MTR: variants seen among roughly 807,000 people sequenced by gnomAD.
MTR encodes the protein methionine synthase.
In MTR, 84 loss-of-function variants were observed where a neutral mutation model predicts 154.8. The observed-to-expected ratio is 0.54, with a 90% CI of 0.45 to 0.65. The LOEUF (loss-of-function observed/expected upper bound fraction) is 0.65. MTR is among the 30% of genes least tolerant of loss of function. The probability of loss-of-function intolerance (pLI) is 0.00; values close to 1 mark genes in which losing one functional copy is unlikely to be tolerated. For synonymous variants in MTR, 554 were observed against 553.9 expected (o/e 1.00, Z 0.00); for missense variants, 1,275 against 1,570.2 (o/e 0.81, Z 3.18).
Position 236,835,537 on chromosome 1 carries a change from C to G in MTR, c.1189-10C>G, listed in dbSNP as rs1481693966. On this transcript the variant is annotated splice_polypyrimidine_tract_variant and intron_variant, in intron 13 of 32. Coordinates refer to ENST00000366577, the MANE Select transcript of MTR (RefSeq NM_000254.3). The stretch of plus-strand genomic sequence containing the variant: ...TCCTAATGCTGCTTCCTCTCTCATT[C>G]TTCCTTCAGGAAGCCTTGTGTGTTG... The G allele has an allele frequency of 3.7e-6, 6 of 1,612,452 alleles. No individual in the cohort carries two copies. Among genetic ancestry groups the G allele is most frequent in the Non-Finnish European group, 5.1e-6 (6 of 1,179,750 alleles).
chr1:236,895,429 C>T lies in MTR; in HGVS notation c.3477C>T (p.Asp1159=), dbSNP rs117061132. 1.1e-3 allele frequency: 1,723 copies of T among 1,604,488 alleles called. 38 individuals are homozygous for T. The East Asian group carries it at 0.033, about 31-fold the overall frequency. The change falls in exon 31 of 33, where the codon GAC becomes GAT. Residue 1159 remains aspartate, a synonymous_variant. Transcript: ENST00000366577. ...LWAYCGSEQL[D]VADLRRLRYK... ...CCTACTGTGGCAGTGAGCAGCTGGACGTCGCAGACCTGCGCAGGCTGCGGT... is the reference window on the plus strand; with the variant it reads ...CCTACTGTGGCAGTGAGCAGCTGGATGTCGCAGACCTGCGCAGGCTGCGGT...
rs1664418343 is a variant in MTR, at chr1:236,859,865, G to T, written c.1986G>T (p.Gln662His). 6.2e-7 allele frequency: 1 copy of T among 1,614,018 alleles called. No homozygotes were observed. Among genetic ancestry groups the T allele is most frequent in the South Asian group, 1.1e-5 (1 of 91,076 alleles). The change falls in exon 19 of 33, where the codon CAG (glutamine) becomes CAT (histidine). Residue 662 changes from glutamine to histidine, a missense_variant. Transcript: ENST00000366577. ...TQGTGGKKVI[Q>H]TDEWRNGPVE... is the part of the protein sequence containing the mutation. ...GCACAGGAGGGAAGAAAGTCATTCAGACTGATGAGTGGAGAAATGGCCCTG... is the reference window on the plus strand; with the variant it reads ...GCACAGGAGGGAAGAAAGTCATTCATACTGATGAGTGGAGAAATGGCCCTG...
Position 236,900,063 on chromosome 1 carries a change from G to C in MTR, c.*2419G>C. On this transcript the variant is annotated 3_prime_UTR_variant, in exon 33 of 33. Transcript: ENST00000366577. ...ATGATCTTGCTTCCAACTCCCACCT[G>C]TATGTCCAGCAAACTCTTGCATGTG... The C allele has an allele frequency of 3.6e-6, 1 of 280,382 alleles. No individual in the cohort carries two copies. The highest frequency in any genetic ancestry group is 7.2e-6 in the Non-Finnish European group (1 of 138,248). 17.4% of individuals were successfully genotyped at this position (280,382 alleles called of 1,614,324 possible).
intron 3 of MTR, among the ~76,000 whole-genome samples, chr1:236,806,534 T>C (rs1660996199): frequency 6.6e-6 from 1 of 152,218 alleles, no homozygotes; most frequent in Non-Finnish European, 1.5e-5. Flanking sequence ...TGTGAGGCCT[T>C]TTTAAGTATT....
intron 12 of MTR, among the ~76,000 whole-genome samples, chr1:236,830,241 A>G (rs1226301214): frequency 1.3e-5 from 2 of 151,952 alleles, no homozygotes; most frequent in Non-Finnish European, 2.9e-5. Context: ...AGTGGGATTC[A>G]TGGTTTATGA....
chr1:236,894,749 A>G, intron 30 of MTR, 192 bp downstream of exon 30: 1 of 625,716 alleles, frequency 1.6e-6, no homozygotes, highest in Non-Finnish European at 2.7e-6. Flanking sequence ...TGTGTACATT[A>G]TCTTTGAGGC....
chr1:236,823,549 A>C (rs954022864), intron 8 of MTR, among the ~76,000 whole-genome samples: 2 of 152,294 alleles, frequency 1.3e-5, no homozygotes, highest in Admixed American at 1.3e-4. Flanking sequence ...GGAAAAAAGT[A>C]AAATGTGATA....
chr1:236,831,982 G>A lies in MTR; in HGVS notation c.1092G>A (p.Arg364=), dbSNP rs1326750147. The A allele has an allele frequency of 6.8e-6, 11 of 1,613,966 alleles. No individual in the cohort carries two copies. The highest frequency in any genetic ancestry group is 9.3e-6 in the Non-Finnish European group (11 of 1,179,960). The part of the protein sequence containing the change: ...HMLLSGLEPF[R]IGPYTNFVNI... ...CCTTTTAAGGTCTAGAGCCCTTCAG[G>A]ATTGGACCGTACACCAACTTTGTTA... The change falls in exon 13 of 33, where the codon AGG becomes AGA. Residue 364 remains arginine (R), a synonymous_variant. Coordinates refer to ENST00000366577, the MANE Select transcript of MTR (RefSeq NM_000254.3).
intron 12 of MTR, among the ~76,000 whole-genome samples, chr1:236,831,673 T>C (rs1307068948): frequency 6.6e-6 from 1 of 152,228 alleles, no homozygotes; most frequent in East Asian, 1.9e-4. Context: ...TTATTTTTCC[T>C]TTTTTCTCAG....
chr1:236,835,834 G>C, intron 14 of MTR, 147 bp downstream of exon 14: 2 of 1,123,388 alleles, frequency 1.8e-6, no homozygotes, highest in Non-Finnish European at 1.3e-6. Flanking sequence ...CTGATTGTCA[G>C]CTTTCTCAGA....
chr1:236,798,618 A>C (rs971594352), intron 1 of MTR, among the ~76,000 whole-genome samples: 5 of 152,234 alleles, frequency 3.3e-5, no homozygotes, highest in African/African-American at 1.2e-4. Context: ...ATTTACATAT[A>C]TACATTAAAC....
At position 236,903,127 on chromosome 1, in the gene MTR, TTAAAAAA is replaced by T. The variant is rs1233437583; in HGVS notation, c.*5497_*5503del. On this transcript the variant is annotated 3_prime_UTR_variant, in exon 33 of 33. Transcript: ENST00000366577. ...CCAGCCTGTGCTGAGACCTCATCTC[TTAAAAAA>T]TAAAAAATAAAAAGTCTAAGAGGAT... is the stretch of plus-strand genomic sequence containing the variant. The T allele has an allele frequency of 3.3e-5, 5 of 152,068 alleles. No homozygotes were observed. Among genetic ancestry groups the T allele is most frequent in the East Asian group, 3.9e-4 (2 of 5,188 alleles). The allele number at this position is 152,068 out of a possible 1,614,324, so 9.4% of individuals were successfully genotyped here. A position where few individuals can be genotyped will look rare whatever the true frequency, so the allele number is the denominator to read the frequency against.
At chr1:236,823,979 G>A in intron 8 of MTR, 140 bp from the exon 9 acceptor site, 1 of 728,218 alleles carries the variant, frequency 1.4e-6, no homozygotes, top group Non-Finnish European at 2.4e-6. Flanking sequence ...AGATGGCTTT[G>A]ATGGTAGTTG....
At chr1:236,872,279 G>T (rs1665176830) in intron 22 of MTR, among the ~76,000 whole-genome samples, 1 of 151,866 alleles carries the variant, frequency 6.6e-6, no homozygotes, top group Non-Finnish European at 1.5e-5. Flanking sequence ...TGTGCTCCAG[G>T]CTTCCTCTGC....
At chr1:236,880,597 C>G (rs114873234) in intron 24 of MTR, among the ~76,000 whole-genome samples, 158 bp from the exon 25 acceptor site, 1 of 152,058 alleles carries the variant, frequency 6.6e-6, no homozygotes, top group Admixed American at 6.6e-5. Context: ...TCATGTTTTA[C>G]GAGGGAAATT....
intron 1 of MTR, chr1:236,800,326 A>G (rs1660635203): frequency 2.0e-6 from 2 of 985,400 alleles, no homozygotes; most frequent in Non-Finnish European, 2.4e-6. Flanking sequence ...TAAATATGAA[A>G]TTTCATGTGC....
At chr1:236,804,447 T>G (rs974890325) in intron 2 of MTR, among the ~76,000 whole-genome samples, 1 of 152,254 alleles carries the variant, frequency 6.6e-6, no homozygotes, top group Non-Finnish European at 1.5e-5. Context: ...TAGTTTTCTA[T>G]ACTTGGAGTT....
At chr1:236,845,627 C>T (rs545845618) in intron 15 of MTR, among the ~76,000 whole-genome samples, 1 of 152,266 alleles carries the variant, frequency 6.6e-6, no homozygotes, top group Admixed American at 6.5e-5. Flanking sequence ...GAAAATGTAA[C>T]AGCCCAAGTG....
In MTR at chr1:236,831,214, A is replaced by G. The variant is rs78175011; in HGVS notation, c.1076-752A>G. 5.4e-4 allele frequency among the ~76,000 whole-genome samples: 82 copies of G among 152,362 alleles called. No homozygotes were observed. The East Asian group carries it at 0.013, about 24-fold the overall frequency. ...ATACTTTAAATGTAATGAATAGAAC[A>G]AAAACAGTTCAGAGCCTTTTCTGTA... On this transcript the variant is annotated intron_variant, in intron 12 of 32. Coordinates refer to ENST00000366577, the MANE Select transcript of MTR (RefSeq NM_000254.3).
Sources: allele counts gnomAD v4.1 joint callset (sites outside exome capture counted in the v4.1 genomes callset), GRCh38; gene constraint gnomAD v4.1.1; transcripts MANE v1.5; gene names NCBI Gene and HGNC (gene_info 2026-07-23, HGNC 2026-07-21).